ADCY8: variants seen among roughly 807,000 people sequenced by gnomAD.
ADCY8 encodes adenylate cyclase 8, also known as adenylate cyclase type 8.
ADCY8 carries 51 observed loss-of-function variants against 119.7 expected under a neutral mutation model. That is an observed-to-expected ratio of 0.43 (90% CI 0.34 to 0.54). ADCY8 has a LOEUF of 0.54. ADCY8 is among the 20% of genes least tolerant of loss of function. The pLI is 0.03. For synonymous variants in ADCY8, 665 were observed against 651.0 expected (o/e 1.02, Z -0.33); for missense variants, 1,383 against 1,598.8 (o/e 0.87, Z 2.30).
intron 8 of ADCY8, among the ~76,000 whole-genome samples, chr8:130,869,518 G>GTTTTTT (rs141048498): frequency 8.4e-6 from 1 of 118,774 alleles, no homozygotes; most frequent in African/African-American, 3.7e-5. Context: ...ATTTTTTTTT[G>GTTTTTT]TTTTTTTGTT....
intron 7 of ADCY8, among the ~76,000 whole-genome samples, chr8:130,897,548 T>A (rs1005374972): frequency 6.6e-6 from 1 of 151,308 alleles, no homozygotes; most frequent in African/African-American, 2.4e-5. Context: ...GGCAATGAGA[T>A]CCTTCTTGGT....
intron 1 of ADCY8, among the ~76,000 whole-genome samples, chr8:131,019,489 C>T (rs907727155): frequency 2.0e-5 from 3 of 152,130 alleles, no homozygotes; most frequent in Admixed American, 6.5e-5. Context: ...AACATTTTAG[C>T]TTCAATTTTT....
chr8:130,871,079 C>T, intron 8 of ADCY8, among the ~76,000 whole-genome samples: 1 of 152,124 alleles, frequency 6.6e-6, no homozygotes, highest in East Asian at 1.9e-4. Flanking sequence ...GAATGTGGTG[C>T]ATTGTTACTC....
chr8:130,865,070 C>T (rs1404973732), intron 9 of ADCY8, among the ~76,000 whole-genome samples: 2 of 151,996 alleles, frequency 1.3e-5, no homozygotes, highest in Non-Finnish European at 2.9e-5. Context: ...TATTAGTTTC[C>T]CCTCTTGATA....
Position 130,903,924 on chromosome 8 carries a change from TTAAG to T in ADCY8, c.1755_1758del (p.Tyr585Ter). ...AGCAGACTGTCCTCAGGCTGCTTAA[TTAAG>T]TAAGTTTCGATATTATGCTTCCTCA... On this transcript the variant is annotated frameshift_variant, in exon 7 of 18. Transcript: ENST00000286355. LOFTEE classifies it high-confidence loss of function. The T allele has an allele frequency of 6.2e-7, 1 of 1,614,134 alleles. No individual in the cohort carries two copies. The highest frequency in any genetic ancestry group is 1.7e-5 in the Admixed American group (1 of 60,024).
At chr8:130,820,277 A>G (rs891130495) in intron 13 of ADCY8, among the ~76,000 whole-genome samples, 7 of 151,656 alleles carry the variant, frequency 4.6e-5, no homozygotes, top group Admixed American at 1.3e-4. Flanking sequence ...TTTCATCCCT[A>G]TTTTCTCAGG....
Position 130,976,709 on chromosome 8 carries a change from C to A in ADCY8, c.1110+13684G>T, listed in dbSNP as rs1363707144. Among the ~76,000 whole-genome samples, 7 of 152,194 alleles carry A rather than the reference C, an allele frequency of 4.6e-5. No individual in the cohort carries two copies. The East Asian group carries it at 9.7e-4, about 21-fold the overall frequency. ...ATTCAAGAAGATCATATTTTAATATCAATTGGAGGAGCTAATTTGGAAGTT... is the reference window on the plus strand; with the variant it reads ...ATTCAAGAAGATCATATTTTAATATAAATTGGAGGAGCTAATTTGGAAGTT... On this transcript the variant is annotated intron_variant, in intron 2 of 17. Coordinates refer to ENST00000286355, the MANE Select transcript of ADCY8 (RefSeq NM_001115.3).
intron 14 of ADCY8, among the ~76,000 whole-genome samples, chr8:130,812,278 A>G (rs570818098): frequency 9.2e-6 from 1 of 108,812 alleles, no homozygotes; most frequent in South Asian, 2.3e-4. Flanking sequence ...GAGCTTGACC[A>G]TTAGGCTCTG....
intron 15 of ADCY8, among the ~76,000 whole-genome samples, chr8:130,796,895 C>T (rs1415642910): frequency 6.6e-6 from 1 of 151,826 alleles, no homozygotes; most frequent in African/African-American, 2.4e-5. Flanking sequence ...GGTCTAATGC[C>T]CATGTTCTAA....
At chr8:130,904,837 T>C (rs1462236259) in intron 6 of ADCY8, among the ~76,000 whole-genome samples, 1 of 152,200 alleles carries the variant, frequency 6.6e-6, no homozygotes, top group Non-Finnish European at 1.5e-5. Context: ...CATGGTAAAT[T>C]CTTCTGGGGA....
intron 5 of ADCY8, among the ~76,000 whole-genome samples, chr8:130,927,672 T>C (rs1820513147): frequency 6.6e-6 from 1 of 151,692 alleles, no homozygotes; most frequent in African/African-American, 2.4e-5. Flanking sequence ...CTTTACTAAA[T>C]TTGTTTAATT....
chr8:130,988,416 A>G (rs1174029165), intron 2 of ADCY8, among the ~76,000 whole-genome samples: 3 of 152,254 alleles, frequency 2.0e-5, no homozygotes, highest in African/African-American at 7.2e-5. Context: ...ACCTTCCACA[A>G]AAGATAGCCT....
chr8:131,021,663 T>A (rs1384734944), intron 1 of ADCY8, among the ~76,000 whole-genome samples: 1 of 152,216 alleles, frequency 6.6e-6, no homozygotes. Flanking sequence ...GAGTGAGTTC[T>A]CACGAGATCT....
chr8:130,810,370 A>ACACACACAC (rs1554602620), intron 14 of ADCY8, among the ~76,000 whole-genome samples: 1 of 151,578 alleles, frequency 6.6e-6, no homozygotes, highest in African/African-American at 2.4e-5. Flanking sequence ...ACACACACAC[A>ACACACACAC]CACACACACA....
At chr8:131,039,249 G>A in intron 1 of ADCY8, 125 bp downstream of exon 1, 1 of 1,345,734 alleles carries the variant, frequency 7.4e-7, no homozygotes, top group Non-Finnish European at 1.0e-6. Context: ...CTAGGTACAA[G>A]GCACTGTGCC....
intron 14 of ADCY8, among the ~76,000 whole-genome samples, chr8:130,813,192 C>A (rs963058648): frequency 3.3e-5 from 5 of 152,166 alleles, no homozygotes; most frequent in Non-Finnish European, 7.3e-5. Context: ...CATGGTCCAC[C>A]CGCCTGAGCC....
At chr8:130,943,210 A>AGAGGGTCAGGGTCCATGCC (rs1821008389) in intron 4 of ADCY8, 141 bp downstream of exon 4, 10 of 579,450 alleles carry the variant, frequency 1.7e-5, no homozygotes, top group South Asian at 1.2e-4. Context: ...CCAGAATGTG[A>AGAGGGTCAGGGTCCATGCC]GAGGGTCAGG....
At chr8:130,787,177 G>A (rs1369269169) in intron 15 of ADCY8, among the ~76,000 whole-genome samples, 7 of 152,138 alleles carry the variant, frequency 4.6e-5, no homozygotes, top group South Asian at 2.1e-4. Flanking sequence ...CTGAAAGGGT[G>A]TAGGCAGAAA....
intron 1 of ADCY8, among the ~76,000 whole-genome samples, chr8:131,037,012 A>G (rs1824176721): frequency 6.6e-6 from 1 of 152,188 alleles, no homozygotes; most frequent in Non-Finnish European, 1.5e-5. Flanking sequence ...CTATTCAAAA[A>G]TCACAGATTC....
Sources: allele counts gnomAD v4.1 joint callset (sites outside exome capture counted in the v4.1 genomes callset), GRCh38; gene constraint gnomAD v4.1.1; transcripts MANE v1.5; gene names NCBI Gene and HGNC (gene_info 2026-07-23, HGNC 2026-07-21).